Variants in CHD7 observed in about 807,000 individuals in gnomAD.
CHD7 encodes chromodomain helicase DNA binding protein 7, also known as ATP-dependent chromatin remodeler CHD7.
Under a neutral mutation model 307.3 loss-of-function variants are expected in CHD7, and 24 were observed. The observed-to-expected ratio is 0.08, with a 90% CI of 0.06 to 0.11. The LOEUF (loss-of-function observed/expected upper bound fraction) is 0.11, where lower values mean the gene tolerates loss of function less well. Ranked by LOEUF, CHD7 falls within the 10% of genes least tolerant of loss-of-function variation. The pLI, the probability that CHD7 is intolerant of heterozygous loss-of-function variation, is 1.00. For missense variants in CHD7, 3,106 were observed against 3,727.1 expected, an observed-to-expected ratio of 0.83 and a Z score of 4.34; for synonymous variants, 1,363 against 1,349.9, an observed-to-expected ratio of 1.01 and a Z score of -0.21.
intron 3 of CHD7, among the ~76,000 whole-genome samples, chr8:60,790,564 G>A (rs568958977): frequency 1.3e-5 from 2 of 152,244 alleles, no homozygotes; most frequent in South Asian, 4.1e-4. Context: ...ATGAGTTAAT[G>A]AGAAAAATAT....
At position 60,779,012 on chromosome 8, in the gene CHD7, T is replaced by G. The variant is rs180817203; in HGVS notation, c.1666-1988T>G. 2.6e-5 allele frequency among the ~76,000 whole-genome samples: 4 copies of G among 152,334 alleles called. No homozygotes were observed. In the East Asian group the frequency reaches 7.7e-4, roughly 29 times the overall value. On this transcript the variant is annotated intron_variant, in intron 2 of 37. Transcript: ENST00000423902. ...GTAGATCTACATCTGTGTATTCTTC[T>G]TCAAACTTTGACCTTGCCTCTGTGT...
Position 60,741,288 on chromosome 8 carries a change from C to A in CHD7, c.-145C>A, listed in dbSNP as rs1039593757. On this transcript the variant is annotated 5_prime_UTR_variant, in exon 2 of 38. Coordinates refer to ENST00000423902, the MANE Select transcript of CHD7 (RefSeq NM_017780.4). Reference sequence around the variant, plus strand: ...TATATCCAGACTTTGCCTGACACTGCAGGGTCCAAGAGAATTAAAGAAATA... The same window carrying A: ...TATATCCAGACTTTGCCTGACACTGAAGGGTCCAAGAGAATTAAAGAAATA... 5 of 676,612 alleles carry A rather than the reference C, an allele frequency of 7.4e-6. No homozygotes were observed. The highest frequency in any genetic ancestry group is 1.0e-5 in the Non-Finnish European group (4 of 398,832). 41.9% of individuals were successfully genotyped at this position (676,612 alleles called of 1,614,324 possible). A position where few individuals can be genotyped will look rare whatever the true frequency, so the allele number is the denominator to read the frequency against.
At chr8:60,744,677 AC>A in intron 2 of CHD7, among the ~76,000 whole-genome samples, 1 of 151,588 alleles carries the variant, frequency 6.6e-6, no homozygotes, top group South Asian at 2.1e-4. Context: ...ACATGGTGAA[AC>A]CCCGTCTCTA....
chr8:60,683,011 A>T (rs993120448), intron 1 of CHD7, among the ~76,000 whole-genome samples: 1 of 152,232 alleles, frequency 6.6e-6, no homozygotes, highest in Non-Finnish European at 1.5e-5. Context: ...TATTAAGATG[A>T]TGTCAGCAAT....
In CHD7 at chr8:60,852,152, C is replaced by G. The variant is rs759220977; in HGVS notation, c.5799C>G (p.Ala1933=). The change falls in exon 29 of 38, where the codon GCC becomes GCG. Residue 1933 remains alanine (A), a synonymous_variant. Coordinates refer to ENST00000423902, the MANE Select transcript of CHD7 (RefSeq NM_017780.4). ...AAAGGCAACAGATGAGGCAAGAGGC[C>G]CTAATGAAGACTGACCGGCGCAGAC... ...SYKRQQMRQE[A]LMKTDRRRRR... is the part of the protein sequence containing the mutation. The G allele has an allele frequency of 6.2e-7, 1 of 1,613,964 alleles. No homozygotes were observed. The highest frequency in any genetic ancestry group is 1.3e-5 in the African/African-American group (1 of 75,060).
chr8:60,802,582 G>A (rs963125849), intron 6 of CHD7, among the ~76,000 whole-genome samples: 1 of 152,158 alleles, frequency 6.6e-6, no homozygotes. Context: ...GAACTCCTGG[G>A]CTCAAACATT....
chr8:60,749,265 G>A (rs1563568213), intron 2 of CHD7, among the ~76,000 whole-genome samples: 2 of 151,200 alleles, frequency 1.3e-5, no homozygotes, highest in East Asian at 3.9e-4. Flanking sequence ...CAGCTACTTG[G>A]GAGGCTGAAG....
chr8:60,696,617 GT>G lies in CHD7; in HGVS notation c.-175+17548del, dbSNP rs554059820. Among the ~76,000 whole-genome samples the G allele has an allele frequency of 8.2e-3, 1,185 of 143,782 alleles. 13 individuals are homozygous for G. The highest frequency in any genetic ancestry group is 0.026 in the African/African-American group (1,042 of 39,488). 94.3% of individuals were successfully genotyped at this position (143,782 alleles called of 152,430 possible). On this transcript the variant is annotated intron_variant, in intron 1 of 37. Coordinates refer to ENST00000423902, the MANE Select transcript of CHD7 (RefSeq NM_017780.4). Reference sequence around the variant, plus strand: ...ATGTTAATTATTTGGATTGCAGGTAGTTTTTTTTTTTTTAATTCAGTCTTTC... The same window carrying G: ...ATGTTAATTATTTGGATTGCAGGTAGTTTTTTTTTTTTAATTCAGTCTTTC...
rs773039925 is a variant in CHD7 at position 60,742,855 on chromosome 8, A to G, written c.1423A>G (p.Met475Val). ...GGCACCAAGGGAATTGACTGGGCAC[A>G]TGAGGCCAAATGGTTGTCCTGGTGT... ...SSAPRELTGH[M>V]RPNGCPGVGL... Residue 475 changes from methionine to valine, a missense_variant, in exon 2 of 38, where the codon ATG becomes GTG. Physicochemically the swap from Met to Val is conservative, Grantham distance 21. Around this residue, in one of 10 missense-constraint regions of CHD7, gnomAD observed 998 missense variants for 1,004.5 expected, o/e 0.99. Transcript: ENST00000423902. The G allele has an allele frequency of 3.0e-5, 49 of 1,612,684 alleles. No individual in the cohort carries two copies. In the African/African-American group the frequency reaches 6.1e-4, roughly 20 times the overall value.
intron 4 of CHD7, among the ~76,000 whole-genome samples, chr8:60,797,963 C>G (rs1179471039): frequency 6.6e-6 from 1 of 152,188 alleles, no homozygotes; most frequent in Non-Finnish European, 1.5e-5. Context: ...GTACCATGTA[C>G]TGTTCTAAAA....
chr8:60,801,717 CCTGT>C, intron 6 of CHD7, 124 bp downstream of exon 6: 1 of 660,062 alleles, frequency 1.5e-6, no homozygotes, highest in Non-Finnish European at 2.6e-6. Flanking sequence ...TATTTCTAAT[CCTGT>C]CTAATTTATT....
intron 34 of CHD7, among the ~76,000 whole-genome samples, chr8:60,859,537 G>C (rs1235639636): frequency 6.6e-6 from 1 of 152,196 alleles, no homozygotes; most frequent in Non-Finnish European, 1.5e-5. Flanking sequence ...GGATGTCTAG[G>C]GTACTTTGTG....
chr8:60,690,074 A>T (rs1486299975), intron 1 of CHD7, among the ~76,000 whole-genome samples: 1 of 152,214 alleles, frequency 6.6e-6, no homozygotes, highest in Non-Finnish European at 1.5e-5. Context: ...AACACACAGG[A>T]CAACAGACTG....
At chr8:60,834,688 G>A (rs1804666256) in intron 15 of CHD7, among the ~76,000 whole-genome samples, 2 of 152,190 alleles carry the variant, frequency 1.3e-5, no homozygotes, top group Non-Finnish European at 2.9e-5. Context: ...TTTGTGGAAG[G>A]CCTTAGTGCT....
chr8:60,697,447 A>C (rs1484894438), intron 1 of CHD7, among the ~76,000 whole-genome samples: 1 of 152,232 alleles, frequency 6.6e-6, no homozygotes, highest in Non-Finnish European at 1.5e-5. Flanking sequence ...CAAACAGAGG[A>C]GGATAAGAAA....
chr8:60,787,902 C>T (rs1281604541), intron 3 of CHD7, among the ~76,000 whole-genome samples: 1 of 148,802 alleles, frequency 6.7e-6, no homozygotes, highest in Non-Finnish European at 1.5e-5. Flanking sequence ...GATCTCGGCT[C>T]ACTGCAACCT....
intron 1 of CHD7, among the ~76,000 whole-genome samples, chr8:60,732,893 T>G (rs1406908450): frequency 2.0e-5 from 3 of 152,206 alleles, no homozygotes; most frequent in South Asian, 4.1e-4. Context: ...ACCTGTCTCT[T>G]CATTTGATTT....
chr8:60,705,585 T>C (rs1806985406), intron 1 of CHD7, among the ~76,000 whole-genome samples: 1 of 152,250 alleles, frequency 6.6e-6, no homozygotes, highest in Admixed American at 6.5e-5. Context: ...TATTAAATTA[T>C]TGCTAACTAC....
intron 2 of CHD7, among the ~76,000 whole-genome samples, chr8:60,760,868 T>C (rs1305794864): frequency 6.6e-6 from 1 of 152,106 alleles, no homozygotes; most frequent in Non-Finnish European, 1.5e-5. Flanking sequence ...TGTGGAGAAA[T>C]AGGAACACTT....
Sources: allele counts gnomAD v4.1 joint callset (sites outside exome capture counted in the v4.1 genomes callset), GRCh38; gene constraint gnomAD v4.1.1; regional missense constraint gnomAD v4.1.1; transcripts MANE v1.5; gene names NCBI Gene and HGNC (gene_info 2026-07-23, HGNC 2026-07-21).